The following GRID2 variants were observed in gnomAD, a reference collection of about 807,000 sequenced individuals.
GRID2 encodes glutamate receptor ionotropic, delta-2.
GRID2 carries 33 observed loss-of-function variants against 114.8 expected under a neutral mutation model. The ratio of observed to expected loss-of-function variants is 0.29; its 90% CI spans 0.22 to 0.38. GRID2 has a LOEUF of 0.38. GRID2 is among the 10% of genes least tolerant of loss of function. The probability of loss-of-function intolerance (pLI) is 1.00; values close to 1 mark genes in which losing one functional copy is unlikely to be tolerated. For synonymous variants in GRID2, 505 were observed against 449.9 expected (o/e 1.12, Z -1.55); for missense variants, 1,184 against 1,257.7 (o/e 0.94, Z 0.89).
chr4:93,683,618 A>T (rs1484940972), intron 14 of GRID2, among the ~76,000 whole-genome samples: 1 of 152,106 alleles, frequency 6.6e-6, no homozygotes, highest in Non-Finnish European at 1.5e-5. Context: ...CCCTTTTCCT[A>T]ACTACTGAAA....
At chr4:93,320,290 A>G (rs1182854776) in intron 8 of GRID2, among the ~76,000 whole-genome samples, 1 of 152,114 alleles carries the variant, frequency 6.6e-6, no homozygotes, top group Admixed American at 6.6e-5. Flanking sequence ...ATAAGAAGAC[A>G]GGCAAGATTG....
intron 2 of GRID2, among the ~76,000 whole-genome samples, chr4:92,944,981 A>T (rs767053835): frequency 2.0e-5 from 3 of 152,180 alleles, no homozygotes; most frequent in Non-Finnish European, 2.9e-5. Context: ...TTCATGGATT[A>T]TATGAAACCT....
intron 14 of GRID2, among the ~76,000 whole-genome samples, chr4:93,759,761 C>T (rs1335821687): frequency 6.6e-6 from 1 of 152,114 alleles, no homozygotes; most frequent in Non-Finnish European, 1.5e-5. Flanking sequence ...TCATGTGGCT[C>T]TCTGGGGACA....
chr4:92,819,688 GCAGGAAAGGATATTACTACGA>G (rs1183580839), intron 2 of GRID2, among the ~76,000 whole-genome samples: 5 of 152,098 alleles, frequency 3.3e-5, no homozygotes, highest in Admixed American at 3.3e-4. Flanking sequence ...ACTACCAACT[GCAGGAAAGGATATTACTACGA>G]CAGCATAGGT....
At chr4:92,404,951 G>A (rs1560610010) in intron 1 of GRID2, among the ~76,000 whole-genome samples, 1 of 152,150 alleles carries the variant, frequency 6.6e-6, no homozygotes, top group Non-Finnish European at 1.5e-5. Context: ...GTGATGGGTT[G>A]ATAGGTGCAG....
intron 13 of GRID2, among the ~76,000 whole-genome samples, chr4:93,595,254 C>G (rs1459924788): frequency 6.6e-6 from 1 of 152,194 alleles, no homozygotes; most frequent in Non-Finnish European, 1.5e-5. Context: ...TGTGGCCTCT[C>G]TTATGACACC....
intron 2 of GRID2, among the ~76,000 whole-genome samples, chr4:92,766,321 G>A (rs1407126407): frequency 1.3e-5 from 2 of 152,028 alleles, no homozygotes; most frequent in African/African-American, 4.8e-5. Flanking sequence ...GGAGGATCAT[G>A]AGGTCAGGAG....
chr4:93,690,927 TA>T (rs1187694511), intron 14 of GRID2, among the ~76,000 whole-genome samples: 1 of 148,414 alleles, frequency 6.7e-6, no homozygotes, highest in Non-Finnish European at 1.5e-5. Flanking sequence ...TATAATAGTT[TA>T]TTTTATATAT....
chr4:93,452,526 C>A (rs1722786486), intron 10 of GRID2, among the ~76,000 whole-genome samples: 1 of 152,066 alleles, frequency 6.6e-6, no homozygotes, highest in South Asian at 2.1e-4. Flanking sequence ...ATGCATGAGA[C>A]AGGAACTTAA....
At chr4:92,668,322 C>T (rs778510457) in intron 2 of GRID2, among the ~76,000 whole-genome samples, 2 of 151,638 alleles carry the variant, frequency 1.3e-5, no homozygotes, top group African/African-American at 4.8e-5. Context: ...ATAGTTTTAA[C>T]AAATAATAAT....
At chr4:92,836,059 A>G (rs1261864598) in intron 2 of GRID2, among the ~76,000 whole-genome samples, 1 of 152,134 alleles carries the variant, frequency 6.6e-6, no homozygotes, top group African/African-American at 2.4e-5. Flanking sequence ...GTCAAATACA[A>G]CCAGTATCTT....
chr4:92,400,728 C>T (rs745909211), intron 1 of GRID2, among the ~76,000 whole-genome samples: 11 of 151,976 alleles, frequency 7.2e-5, no homozygotes, highest in Non-Finnish European at 1.0e-4. Flanking sequence ...CCACCATTAA[C>T]GCATGAAGGT....
intron 1 of GRID2, among the ~76,000 whole-genome samples, chr4:92,404,155 A>G (rs1730922606): frequency 6.6e-6 from 1 of 152,188 alleles, no homozygotes; most frequent in Non-Finnish European, 1.5e-5. Context: ...TAGAAAATCA[A>G]TTTCTGCAAA....
chr4:92,686,692 T>A (rs899009536), intron 2 of GRID2, among the ~76,000 whole-genome samples: 2 of 151,972 alleles, frequency 1.3e-5, no homozygotes, highest in Non-Finnish European at 2.9e-5. Context: ...GTCAAAATAA[T>A]TTGATAATAT....
chr4:92,717,923 A>T (rs1186363300), intron 2 of GRID2, among the ~76,000 whole-genome samples: 2 of 152,184 alleles, frequency 1.3e-5, no homozygotes, highest in African/African-American at 4.8e-5. Context: ...CAAAATATTA[A>T]ATACAATGAA....
At chr4:93,303,334 A>C (rs913568997) in intron 8 of GRID2, among the ~76,000 whole-genome samples, 5 of 152,220 alleles carry the variant, frequency 3.3e-5, no homozygotes, top group African/African-American at 1.2e-4. Flanking sequence ...GCATTGTTCC[A>C]GAGAGATTTA....
At chr4:93,302,916 A>G (rs1201385337) in intron 8 of GRID2, among the ~76,000 whole-genome samples, 1 of 152,240 alleles carries the variant, frequency 6.6e-6, no homozygotes, top group Non-Finnish European at 1.5e-5. Context: ...CATTTCTCAC[A>G]TTGCTGTATA....
chr4:92,342,793 A>G (rs566035241), intron 1 of GRID2, among the ~76,000 whole-genome samples: 2 of 152,176 alleles, frequency 1.3e-5, no homozygotes, highest in African/African-American at 2.4e-5. Context: ...ATAAACTTCA[A>G]AACTGGCAGC....
chr4:92,443,456 G>A (rs1164636109), intron 1 of GRID2, among the ~76,000 whole-genome samples: 1 of 151,314 alleles, frequency 6.6e-6, no homozygotes, highest in Non-Finnish European at 1.5e-5. Flanking sequence ...AAGGAAGGAA[G>A]CCTAGAGAAA....
Sources: gnomAD v4.1 joint callset for allele counts (sites outside exome capture counted in the v4.1 genomes callset) on GRCh38, gnomAD v4.1.1 for gene constraint, MANE v1.5 for transcripts, NCBI Gene and HGNC (gene_info 2026-07-23, HGNC 2026-07-21) for gene names.